DAB1: variants seen among roughly 807,000 people sequenced by gnomAD.
DAB1 encodes the protein disabled homolog 1.
Under a neutral mutation model 64.6 loss-of-function variants are expected in DAB1, and 15 were observed. The ratio of observed to expected loss-of-function variants is 0.23; its 90% CI spans 0.16 to 0.36. The LOEUF (loss-of-function observed/expected upper bound fraction) is 0.36, where lower values mean the gene tolerates loss of function less well. Ranked by LOEUF, DAB1 falls within the 10% of genes least tolerant of loss-of-function variation. DAB1 has a pLI of 1.00. For synonymous variants in DAB1, 235 were observed against 251.9 expected (o/e 0.93, Z 0.64); for missense variants, 596 against 706.7 (o/e 0.84, Z 1.78).
At chr1:58,197,703 C>CTT (rs3053698) in intron 4 of DAB1, among the ~76,000 whole-genome samples, 66,119 of 139,834 alleles carry the variant, frequency 0.47, 17,931 homozygotes, top group Middle Eastern at 0.67. Flanking sequence ...GAGAGTTACA[C>CTT]TTTTTTTTTT....
rs138875607 is a variant in DAB1, at chr1:58,538,942, C to T, written n.32+7761G>A. On this transcript the variant is annotated intron_variant and non_coding_transcript_variant, in intron 1 of 20. Transcript: ENST00000485760. ...GCTTAGAGGATGCAATACTGACAGA[C>T]TAGGGACTGCTGTAACTTCTTTTAT... The T allele has an allele frequency of 7.1e-5, 62 of 872,868 alleles. No individual in the cohort carries two copies. In the African/African-American group the frequency reaches 9.1e-4, roughly 13 times the overall value. 54.1% of individuals were successfully genotyped at this position (872,868 alleles called of 1,614,324 possible).
chr1:57,055,568 C>T (rs1218313582), intron 9 of DAB1, among the ~76,000 whole-genome samples: 1 of 152,194 alleles, frequency 6.6e-6, no homozygotes, highest in Admixed American at 6.5e-5. Context: ...GTGCACCCAT[C>T]AGTTGATGCA....
At chr1:58,351,484 G>C (rs1191349164) in intron 3 of DAB1, among the ~76,000 whole-genome samples, 2 of 152,068 alleles carry the variant, frequency 1.3e-5, no homozygotes, top group Non-Finnish European at 1.5e-5. Context: ...GGGAGTGAAG[G>C]AGGTGGAAGG....
chr1:58,424,798 C>A (rs897057609), intron 3 of DAB1, among the ~76,000 whole-genome samples: 3 of 152,004 alleles, frequency 2.0e-5, no homozygotes, highest in African/African-American at 7.2e-5. Flanking sequence ...AATAATAGGG[C>A]TTGGGGACCA....
chr1:57,219,559 C>T (rs950076897), intron 2 of DAB1, among the ~76,000 whole-genome samples: 1 of 152,120 alleles, frequency 6.6e-6, no homozygotes, highest in Non-Finnish European at 1.5e-5. Flanking sequence ...TAGAAATCAG[C>T]AAAAATGGTG....
chr1:57,916,110 G>A (rs891337443), intron 5 of DAB1, among the ~76,000 whole-genome samples: 2 of 152,178 alleles, frequency 1.3e-5, no homozygotes, highest in South Asian at 2.1e-4. Context: ...TCCCTGGCGG[G>A]TGAAAGAAAA....
chr1:57,697,490 G>A (rs149021557), intron 6 of DAB1, among the ~76,000 whole-genome samples: 592 of 145,864 alleles, frequency 4.1e-3, no homozygotes, highest in African/African-American at 0.014. Context: ...AAGCTTTAGC[G>A]CAATCAATTT....
At chr1:58,198,833 T>A (rs1657837966) in intron 4 of DAB1, among the ~76,000 whole-genome samples, 1 of 152,244 alleles carries the variant, frequency 6.6e-6, no homozygotes, top group Non-Finnish European at 1.5e-5. Context: ...TGGATGGCCA[T>A]GCGCAGTGGC....
chr1:58,534,122 T>C, intron 1 of DAB1: 1 of 867,660 alleles, frequency 1.2e-6, no homozygotes, highest in Non-Finnish European at 2.0e-6. Flanking sequence ...GACAATAAAT[T>C]TAACAATTAC....
intron 2 of DAB1, among the ~76,000 whole-genome samples, chr1:57,281,892 A>G (rs2100632090): frequency 6.6e-6 from 1 of 152,280 alleles, no homozygotes; most frequent in African/African-American, 2.4e-5. Context: ...TGAGGATGTT[A>G]GGAAACTCAC....
At chr1:58,131,128 C>T (rs1350629937) in intron 5 of DAB1, among the ~76,000 whole-genome samples, 1 of 145,928 alleles carries the variant, frequency 6.9e-6, no homozygotes, top group African/African-American at 2.5e-5. Context: ...TTCACATAGT[C>T]CCATATTTCT....
chr1:57,051,516 T>A (rs1649187281), intron 9 of DAB1, among the ~76,000 whole-genome samples: 1 of 152,170 alleles, frequency 6.6e-6, no homozygotes, highest in Non-Finnish European at 1.5e-5. Flanking sequence ...GATTGAAGCT[T>A]CTGACATGTG....
intron 5 of DAB1, among the ~76,000 whole-genome samples, chr1:57,913,510 A>C (rs1243893585): frequency 6.6e-6 from 1 of 152,226 alleles, no homozygotes; most frequent in Admixed American, 6.5e-5. Flanking sequence ...AACATAGGCA[A>C]TACCATTCAG....
At chr1:58,448,478 CCA>C (rs1012778916) in intron 3 of DAB1, among the ~76,000 whole-genome samples, 2 of 152,098 alleles carry the variant, frequency 1.3e-5, no homozygotes, top group African/African-American at 4.8e-5. Context: ...GAATCTGACC[CCA>C]GTTTGTGCTT....
chr1:57,908,415 C>G (rs1644590409), intron 5 of DAB1, among the ~76,000 whole-genome samples: 1 of 152,096 alleles, frequency 6.6e-6, no homozygotes, highest in Non-Finnish European at 1.5e-5. Context: ...TTGCTTAACG[C>G]TAGAGAGAAG....
At chr1:57,848,599 A>AAGTAGCTGT (rs1225719860) in intron 1 of DAB1, among the ~76,000 whole-genome samples, 1 of 152,236 alleles carries the variant, frequency 6.6e-6, no homozygotes, top group Non-Finnish European at 1.5e-5. Flanking sequence ...GGCCAGACAG[A>AAGTAGCTGT]AGTAGCTGTT....
intron 4 of DAB1, among the ~76,000 whole-genome samples, chr1:58,218,491 G>A (rs959342502): frequency 4.6e-5 from 7 of 152,154 alleles, no homozygotes; most frequent in Admixed American, 1.3e-4. Flanking sequence ...TAAAAGTTGT[G>A]GGTGTTTGGT....
chr1:57,728,679 G>C (rs1647285558), intron 6 of DAB1, among the ~76,000 whole-genome samples: 1 of 152,064 alleles, frequency 6.6e-6, no homozygotes, highest in Non-Finnish European at 1.5e-5. Flanking sequence ...AGCTTTACTG[G>C]TAATACACAA....
intron 5 of DAB1, among the ~76,000 whole-genome samples, chr1:58,034,867 T>C (rs1445813632): frequency 1.3e-5 from 2 of 152,186 alleles, no homozygotes; most frequent in South Asian, 4.1e-4. Context: ...GCATGATGGA[T>C]TATCTGCAAA....
Sources: gnomAD v4.1 joint callset for allele counts (sites outside exome capture counted in the v4.1 genomes callset) on GRCh38, gnomAD v4.1.1 for gene constraint, MANE v1.5 for transcripts, NCBI Gene and HGNC (gene_info 2026-07-23, HGNC 2026-07-21) for gene names.